Variants in NCALD observed in about 807,000 individuals in gnomAD.
NCALD encodes the protein neurocalcin delta, also known as neurocalcin-delta.
A neutral mutation model predicts 18.6 loss-of-function variants in NCALD; 10 were observed. The ratio of observed to expected loss-of-function variants is 0.54; its 90% CI spans 0.33 to 0.91. NCALD has a LOEUF of 0.91. Among genes scored for constraint, NCALD ranks in the 40% least tolerant of loss-of-function variants. NCALD has a pLI of 0.03. For missense variants in NCALD, 184 were observed against 247.6 expected (o/e 0.74, Z 1.72); for synonymous variants, 88 against 87.4 (o/e 1.01, Z -0.04).
chr8:101,744,997 A>G (rs1810367640), intron 1 of NCALD, among the ~76,000 whole-genome samples: 1 of 117,042 alleles, frequency 8.5e-6, no homozygotes, highest in South Asian at 3.0e-4. Flanking sequence ...GCTTTGAAGC[A>G]TTAGTCTTTG....
intron 2 of NCALD, among the ~76,000 whole-genome samples, chr8:102,018,797 G>C (rs1822175970): frequency 6.6e-6 from 1 of 152,144 alleles, no homozygotes; most frequent in African/African-American, 2.4e-5. Context: ...ATGGTGCTTG[G>C]TCAACTGGAT....
intron 4 of NCALD, among the ~76,000 whole-genome samples, chr8:101,857,420 A>T (rs1172015225): frequency 6.6e-6 from 1 of 152,202 alleles, no homozygotes; most frequent in Non-Finnish European, 1.5e-5. Flanking sequence ...AGGCATTCTG[A>T]CTTCTCTCTC....
At chr8:101,818,194 C>G (rs924763296) in intron 4 of NCALD, among the ~76,000 whole-genome samples, 1 of 152,094 alleles carries the variant, frequency 6.6e-6, no homozygotes, top group African/African-American at 2.4e-5. Context: ...ATGCACAGGA[C>G]CTTTTCTCCA....
intron 1 of NCALD, among the ~76,000 whole-genome samples, chr8:101,742,657 T>A (rs757564560): frequency 2.0e-5 from 3 of 151,730 alleles, no homozygotes; most frequent in Non-Finnish European, 4.4e-5. Flanking sequence ...CTCATTAGAT[T>A]ACAAGGATTT....
intron 2 of NCALD, among the ~76,000 whole-genome samples, chr8:101,917,597 A>C (rs2131632591): frequency 7.4e-6 from 1 of 135,378 alleles, no homozygotes; most frequent in East Asian, 2.0e-4. Flanking sequence ...TAGATTAACA[A>C]AAAAAAAGAT....
intron 2 of NCALD, among the ~76,000 whole-genome samples, chr8:101,929,593 CAGGG>C (rs1818492107): frequency 1.1e-4 from 5 of 45,728 alleles, no homozygotes; most frequent in Admixed American, 3.1e-4. Context: ...AGGAAGGAGG[CAGGG>C]AGGGAGGGAG....
chr8:102,036,139 A>AATTAATT (rs1554583483), intron 1 of NCALD, among the ~76,000 whole-genome samples: 2 of 114,200 alleles, frequency 1.8e-5, no homozygotes, highest in Middle Eastern at 4.3e-3. Flanking sequence ...ATAAATAAAT[A>AATTAATT]AATAAATTAA....
At chr8:101,830,633 C>T (rs1016269990) in intron 4 of NCALD, among the ~76,000 whole-genome samples, 27 of 151,870 alleles carry the variant, frequency 1.8e-4, no homozygotes, top group African/African-American at 2.4e-4. Flanking sequence ...TTATGGCTGA[C>T]GAAGAGCATA....
At chr8:101,960,732 C>T (rs552040941) in intron 2 of NCALD, among the ~76,000 whole-genome samples, 2 of 152,240 alleles carry the variant, frequency 1.3e-5, no homozygotes, top group East Asian at 3.9e-4. Context: ...ATAGGCTTTC[C>T]ACTCCCTTAG....
At chr8:101,869,961 A>C (rs1275496755) in intron 4 of NCALD, among the ~76,000 whole-genome samples, 1 of 152,180 alleles carries the variant, frequency 6.6e-6, no homozygotes, top group African/African-American at 2.4e-5. Flanking sequence ...TTCAAACCAA[A>C]TTTCTGTCTC....
chr8:102,117,855 A>G (rs1825837354), intron 1 of NCALD, among the ~76,000 whole-genome samples: 1 of 152,206 alleles, frequency 6.6e-6, no homozygotes, highest in African/African-American at 2.4e-5. Flanking sequence ...CCAAAGAACC[A>G]AAACACACAG....
At chr8:101,812,889 G>A (rs796931535) in intron 4 of NCALD, among the ~76,000 whole-genome samples, 9 of 152,198 alleles carry the variant, frequency 5.9e-5, no homozygotes, top group African/African-American at 2.2e-4. Flanking sequence ...TCACTTGAAA[G>A]CAAATGAGCA....
At chr8:101,859,394 T>G (rs1187624671) in intron 4 of NCALD, among the ~76,000 whole-genome samples, 1 of 152,206 alleles carries the variant, frequency 6.6e-6, no homozygotes, top group Non-Finnish European at 1.5e-5. Context: ...ATTGTGGGAC[T>G]TCACTTTGTG....
At chr8:101,974,538 T>C (rs1024691905) in intron 2 of NCALD, among the ~76,000 whole-genome samples, 5 of 152,206 alleles carry the variant, frequency 3.3e-5, no homozygotes, top group Admixed American at 2.0e-4. Flanking sequence ...TGGGATGTCA[T>C]GTAAGCCAAG....
chr8:101,950,530 G>A (rs999872636), intron 2 of NCALD, among the ~76,000 whole-genome samples: 1 of 152,182 alleles, frequency 6.6e-6, no homozygotes, highest in Non-Finnish European at 1.5e-5. Context: ...CCCTCCCTCT[G>A]CTGTGTGATT....
At chr8:101,795,132 G>T (rs561957860), upstream of NCALD, among the ~76,000 whole-genome samples, 17 of 152,248 alleles carry the variant, frequency 1.1e-4, no homozygotes, top group Admixed American at 1.1e-3. Flanking sequence ...GCACAGGCTT[G>T]GGTGAGTTCT....
At chr8:101,734,298 T>C (rs1816979096) in intron 1 of NCALD, among the ~76,000 whole-genome samples, 1 of 152,212 alleles carries the variant, frequency 6.6e-6, no homozygotes, top group South Asian at 2.1e-4. Context: ...TCACTGAACA[T>C]GCCCTCCTTG....
At position 101,798,283 on chromosome 8, in the gene NCALD, C is replaced by T. The variant is rs534066192; in HGVS notation, c.-19-78635G>A. On this transcript the variant is annotated intron_variant, in intron 4 of 6. Transcript: ENST00000311028. ...CAAGGAATCTGCAAAACAAACAAAACTTCCTGTAACTAATAGATGAGTTTG... is the reference window on the plus strand; with the variant it reads ...CAAGGAATCTGCAAAACAAACAAAATTTCCTGTAACTAATAGATGAGTTTG... Among the ~76,000 whole-genome samples the T allele has an allele frequency of 3.9e-5, 6 of 152,302 alleles. No homozygotes were observed. In the East Asian group the frequency reaches 1.2e-3, roughly 29 times the overall value.
At chr8:101,996,180 A>G (rs1645786500) in intron 2 of NCALD, among the ~76,000 whole-genome samples, 1 of 152,268 alleles carries the variant, frequency 6.6e-6, no homozygotes, top group Non-Finnish European at 1.5e-5. Context: ...TTCATAACTC[A>G]GGAGACCTGA....
Sources: gnomAD v4.1 joint callset for allele counts (sites outside exome capture counted in the v4.1 genomes callset) on GRCh38, gnomAD v4.1.1 for gene constraint, MANE v1.5 for transcripts, NCBI Gene and HGNC (gene_info 2026-07-23, HGNC 2026-07-21) for gene names.